Variants in FAM184A observed in about 807,000 individuals in gnomAD.
FAM184A encodes family with sequence similarity 184 member A.
In FAM184A, 99 loss-of-function variants were observed where a neutral mutation model predicts 143.8. The ratio of observed to expected loss-of-function variants is 0.69; its 90% CI spans 0.58 to 0.81. The LOEUF is 0.81. FAM184A is among the 40% of genes least tolerant of loss of function. FAM184A has a pLI of 0.00. For synonymous variants in FAM184A, 427 were observed against 446.4 expected (o/e 0.96, Z 0.55); for missense variants, 1,217 against 1,310.5 (o/e 0.93, Z 1.10).
At chr6:118,973,669 T>C (rs908090726) in intron 14 of FAM184A, among the ~76,000 whole-genome samples, 13 of 152,296 alleles carry the variant, frequency 8.5e-5, no homozygotes, top group Non-Finnish European at 1.3e-4. Flanking sequence ...AAATAACTTA[T>C]GTTGGACCAG....
At chr6:119,025,444 T>C (rs543255846) in intron 1 of FAM184A, 3 of 518,946 alleles carry the variant, frequency 5.8e-6, no homozygotes, top group African/African-American at 1.9e-5. Context: ...TTTCTCTTCA[T>C]ATTTCAAATG....
rs754828395 is a variant in FAM184A, at chr6:119,016,857, G to A, written c.1420C>T (p.Gln474Ter). The A allele has an allele frequency of 3.1e-6, 5 of 1,613,796 alleles. No individual in the cohort carries two copies. Among genetic ancestry groups the A allele is most frequent in the Non-Finnish European group, 4.2e-6 (5 of 1,179,860 alleles). Residue 474 changes from glutamine to a stop codon, truncating the protein, a stop_gained, in exon 5 of 18, where the codon CAA becomes TAA. Transcript: ENST00000338891. LOFTEE classifies it high-confidence loss of function. ...GTCTTAGAATGGGCCTCGTTTAATT[G>A]AGTCACCTCCTCTTCCAATCTACTT... ...LQSRLEEEVT[Q>*]LNEAHSKTLE... is the part of the protein sequence containing the mutation.
chr6:118,973,699 G>T (rs542042122), intron 14 of FAM184A, among the ~76,000 whole-genome samples: 40 of 152,202 alleles, frequency 2.6e-4, no homozygotes, highest in African/African-American at 9.1e-4. Flanking sequence ...CACAGAGATG[G>T]ACTGAGTACA....
chr6:119,065,234 T>G (rs967814410), intron 1 of FAM184A, among the ~76,000 whole-genome samples: 1 of 152,180 alleles, frequency 6.6e-6, no homozygotes, highest in Non-Finnish European at 1.5e-5. Flanking sequence ...TCTCTCTCCC[T>G]TCCCACCCCT....
upstream of FAM184A, among the ~76,000 whole-genome samples, chr6:119,080,461 C>T (rs1417928908): frequency 6.6e-6 from 1 of 152,204 alleles, no homozygotes; most frequent in Admixed American, 6.5e-5. Flanking sequence ...AAAAGACATC[C>T]ACTGTCACTT....
intron 11 of FAM184A, among the ~76,000 whole-genome samples, chr6:118,976,599 G>A (rs1365317883): frequency 1.3e-5 from 2 of 151,842 alleles, no homozygotes; most frequent in African/African-American, 4.8e-5. Flanking sequence ...GGGAGGCAGA[G>A]GTTGCAATGA....
intron 9 of FAM184A, among the ~76,000 whole-genome samples, chr6:118,986,020 G>A (rs1452498545): frequency 1.3e-5 from 2 of 152,142 alleles, no homozygotes; most frequent in Admixed American, 6.5e-5. Context: ...TTGGCCTGGC[G>A]CGGTGGCTCA....
chr6:119,032,429 T>C (rs1325081193), intron 1 of FAM184A, among the ~76,000 whole-genome samples: 1 of 150,488 alleles, frequency 6.6e-6, no homozygotes, highest in African/African-American at 2.5e-5. Context: ...CTCATTTTTT[T>C]ACTATTAAAT....
chr6:119,034,026 A>G (rs1172995853), intron 1 of FAM184A, among the ~76,000 whole-genome samples: 4 of 15,564 alleles, frequency 2.6e-4, no homozygotes, highest in African/African-American at 4.6e-4. Flanking sequence ...AAAAATATAT[A>G]TATATATATA....
intron 1 of FAM184A, among the ~76,000 whole-genome samples, chr6:119,093,336 A>T (rs1562147394): frequency 6.6e-6 from 1 of 152,148 alleles, no homozygotes; most frequent in Non-Finnish European, 1.5e-5. Context: ...GTTTCAAGGC[A>T]CCGTCTTAGC....
At chr6:118,967,973 G>A (rs1479434062) in intron 14 of FAM184A, among the ~76,000 whole-genome samples, 2 of 152,120 alleles carry the variant, frequency 1.3e-5, no homozygotes, top group Non-Finnish European at 2.9e-5. Context: ...CAGTGTATTT[G>A]AGTACCATAA....
intron 1 of FAM184A, among the ~76,000 whole-genome samples, chr6:119,088,987 T>C (rs1213803313): frequency 6.6e-6 from 1 of 152,040 alleles, no homozygotes; most frequent in Non-Finnish European, 1.5e-5. Flanking sequence ...AATGAGGAGA[T>C]TGGACTAAAT....
chr6:119,062,542 C>G (rs1360322932), intron 1 of FAM184A, among the ~76,000 whole-genome samples: 1 of 152,004 alleles, frequency 6.6e-6, no homozygotes, highest in African/African-American at 2.4e-5. Flanking sequence ...GCCAATAGTC[C>G]CAGCTACTCG....
chr6:119,089,202 A>T (rs1271183103), intron 1 of FAM184A, among the ~76,000 whole-genome samples: 54 of 141,696 alleles, frequency 3.8e-4, no homozygotes, highest in African/African-American at 6.9e-4. Flanking sequence ...TTATTTATTT[A>T]TTTATTTTTT....
intron 13 of FAM184A, 149 bp from the exon 14 acceptor site, chr6:118,974,723 A>G (rs557989590): frequency 3.0e-6 from 2 of 669,850 alleles, no homozygotes; most frequent in African/African-American, 1.8e-5. Flanking sequence ...ACTTTCTGCT[A>G]TAAGCTTCTG....
chr6:119,011,215 C>A, intron 6 of FAM184A, 94 bp downstream of exon 6: 3 of 1,057,696 alleles, frequency 2.8e-6, no homozygotes, highest in South Asian at 3.1e-5. Flanking sequence ...GATATGTTAC[C>A]TTTACTGAGA....
At chr6:119,120,823 TCTTC>T (rs1180788044) in intron 1 of FAM184A, among the ~76,000 whole-genome samples, 3,583 of 112,138 alleles carry the variant, frequency 0.032, 67 homozygotes, top group Non-Finnish European at 0.045. Flanking sequence ...TTTCTTTCTT[TCTTC>T]CTTTCTTTCT....
chr6:119,067,189 G>A (rs1345464387), intron 1 of FAM184A, among the ~76,000 whole-genome samples: 5 of 152,136 alleles, frequency 3.3e-5, no homozygotes, highest in Non-Finnish European at 7.3e-5. Context: ...TTGTAGGGTG[G>A]CCTGTAGGTG....
chr6:119,004,023 C>G (rs1419687991), intron 7 of FAM184A, among the ~76,000 whole-genome samples: 1 of 152,148 alleles, frequency 6.6e-6, no homozygotes, highest in Non-Finnish European at 1.5e-5. Flanking sequence ...GTTACTTGCT[C>G]AAAACTTAAG....
Sources: allele counts gnomAD v4.1 joint callset (sites outside exome capture counted in the v4.1 genomes callset), GRCh38; gene constraint gnomAD v4.1.1; transcripts MANE v1.5; gene names NCBI Gene and HGNC (gene_info 2026-07-23, HGNC 2026-07-21).